Variants in ACSL6 observed in about 807,000 individuals in gnomAD.
ACSL6 encodes long-chain-fatty-acid--CoA ligase 6.
A neutral mutation model predicts 98.2 loss-of-function variants in ACSL6; 47 were observed. That is an observed-to-expected ratio of 0.48 (90% CI 0.38 to 0.61). The LOEUF is 0.61. Ranked by LOEUF, ACSL6 falls within the 20% of genes least tolerant of loss-of-function variation. The probability of loss-of-function intolerance (pLI) is 0.00; values close to 1 mark genes in which losing one functional copy is unlikely to be tolerated. For synonymous variants in ACSL6, 362 were observed against 336.9 expected (o/e 1.07, Z -0.82); for missense variants, 761 against 913.4 (o/e 0.83, Z 2.15).
rs1755722841 is a variant in ACSL6 at position 132,011,439 on chromosome 5, C to G, written c.49+66G>C. ...GGCCGCGGAGATGTAACACCTCCAC[C>G]TCGGGCGAAGACCTCATAGCCTGCG... On this transcript the variant is annotated intron_variant, in intron 1 of 20. Transcript: ENST00000651883. This position sits in a 1 kb window ranked among gnomAD's most constrained non-coding sequence, Gnocchi z 5.4. 1.3e-6 allele frequency: 2 copies of G among 1,555,028 alleles called. No individual in the cohort carries two copies. The highest frequency in any genetic ancestry group is 1.8e-6 in the Non-Finnish European group (2 of 1,129,628).
At chr5:131,999,480 A>G (rs1460187479) in intron 1 of ACSL6, 1 of 152,058 alleles carries the variant, frequency 6.6e-6, no homozygotes, top group Non-Finnish European at 1.5e-5. Context: ...GCCTCCCTTT[A>G]TAGGGCCTGT....
At chr5:131,990,560 C>A (rs1305702222) in intron 3 of ACSL6, among the ~76,000 whole-genome samples, 2 of 152,144 alleles carry the variant, frequency 1.3e-5, no homozygotes, top group Non-Finnish European at 2.9e-5. Flanking sequence ...CAGAACCATG[C>A]CAGCCAGTGG....
rs1752594814 is a variant in ACSL6 at position 131,959,642 on chromosome 5, A to G, written c.1960-35T>C. On this transcript the variant is annotated intron_variant, in intron 19 of 20. Transcript: ENST00000651883. ...ACCATATGAGAAAAATTACAAGACA[A>G]GAACACATTTCAAAATGGAGGTAGA... 2.5e-6 allele frequency: 4 copies of G among 1,595,892 alleles called. No homozygotes were observed. In the East Asian group the frequency reaches 8.9e-5, roughly 36 times the overall value.
Position 131,973,141 on chromosome 5 carries a change from G to A in ACSL6, c.1203+125C>T, listed in dbSNP as rs1390251484. 3.9e-6 allele frequency: 5 copies of A among 1,288,868 alleles called. No individual in the cohort carries two copies. In the South Asian group the frequency reaches 7.4e-5, roughly 19 times the overall value. 79.8% of individuals were successfully genotyped at this position (1,288,868 alleles called of 1,614,324 possible). On this transcript the variant is annotated intron_variant, in intron 12 of 20. Transcript: ENST00000651883. ...AATGAGAAAGAGTCAGGAACTACAA[G>A]AGAGGAGGCAAGTTCCAGGACTTGG...
chr5:131,959,875 G>T (rs573162745), intron 19 of ACSL6: 37 of 480,854 alleles, frequency 7.7e-5, no homozygotes, highest in African/African-American at 6.6e-4. Context: ...TGGTCAGCCT[G>T]GTGAGTCTTG....
At position 131,989,291 on chromosome 5, in the gene ACSL6, G is replaced by A; in HGVS notation, c.552+116C>T. On this transcript the variant is annotated intron_variant, in intron 5 of 20. Transcript: ENST00000651883. ...GAAGAGGAGTGGTGGCATAGCCCAAGGGTCTCTGTTTTTTCTTTTGTCCTG... is the reference window on the plus strand; with the variant it reads ...GAAGAGGAGTGGTGGCATAGCCCAAAGGTCTCTGTTTTTTCTTTTGTCCTG... The A allele has an allele frequency of 5.0e-6, 5 of 1,009,232 alleles. No individual in the cohort carries two copies. In the South Asian group the frequency reaches 7.8e-5, roughly 16 times the overall value. 62.5% of individuals were successfully genotyped at this position (1,009,232 alleles called of 1,614,324 possible).
At chr5:131,985,506 G>T (rs957067351) in intron 8 of ACSL6, 48 bp from the exon 9 acceptor site, 1 of 1,606,582 alleles carries the variant, frequency 6.2e-7, no homozygotes, top group Non-Finnish European at 8.5e-7. Flanking sequence ...AGTGTGGCCA[G>T]CCAGGGCCCA....
At chr5:132,008,277 G>A (rs1755520394) in intron 1 of ACSL6, among the ~76,000 whole-genome samples, 1 of 152,232 alleles carries the variant, frequency 6.6e-6, no homozygotes, top group Admixed American at 6.5e-5. Flanking sequence ...GGAGCCCAGA[G>A]TGGGGTAAGG....
Position 131,966,529 on chromosome 5 carries a change from A to C in ACSL6, c.1600T>G (p.Cys534Gly). 1 of 1,613,874 alleles carries C rather than the reference A, an allele frequency of 6.2e-7. No homozygotes were observed. The highest frequency in any genetic ancestry group is 8.5e-7 in the Non-Finnish European group (1 of 1,179,808). Residue 534 changes from cysteine (C) to glycine (G), a missense_variant, in exon 17 of 21, where the codon TGT (cysteine) becomes GGT (glycine). Cys to Gly is a radical substitution (Grantham distance 159). Coordinates refer to ENST00000651883, the MANE Select transcript of ACSL6 (RefSeq NM_001009185.3). ...YWACKGEGEI[C>G]VRGPNVFKGY... ...TTGAACACATTTGGTCCTCTCACAC[A>C]TATCTATGGGACAAAAACCATGGCT...
rs768486751 is a variant in ACSL6, at chr5:131,971,591, G to A, written c.1393C>T (p.Pro465Ser). The A allele has an allele frequency of 3.2e-5, 52 of 1,612,018 alleles. No individual in the cohort carries two copies. Among genetic ancestry groups the A allele is most frequent in the African/African-American group, 5.3e-5 (4 of 74,874 alleles). ...MIVTGAAPASPTVLGFLRAAL... is the reference protein window; with the variant it reads ...MIVTGAAPASSTVLGFLRAAL... Reference sequence around the variant, plus strand: ...GCCCGGAGAAATCCCAGAACTGTTGGTGATGCTGGGGCTGCTCCAGTAACA... The same window carrying A: ...GCCCGGAGAAATCCCAGAACTGTTGATGATGCTGGGGCTGCTCCAGTAACA... The change falls in exon 14 of 21, where the codon CCA (proline) becomes TCA (serine). Residue 465 changes from proline to serine, a missense_variant. By Grantham distance (74) the Pro-to-Ser change is moderately conservative. Transcript: ENST00000651883.
intron 9 of ACSL6, among the ~76,000 whole-genome samples, chr5:131,977,530 T>C (rs973463580): frequency 2.0e-5 from 3 of 152,314 alleles, no homozygotes; most frequent in Non-Finnish European, 2.9e-5. Flanking sequence ...AAGCCATTGT[T>C]CCTCTCTGTT....
chr5:131,975,129 A>G (rs1226285153), intron 10 of ACSL6, 159 bp from the exon 11 acceptor site: 5 of 1,417,658 alleles, frequency 3.5e-6, no homozygotes, highest in Non-Finnish European at 4.6e-6. Flanking sequence ...GTGAGATGAA[A>G]GAGAGAAGAA....
rs1419742238 is a variant in ACSL6, at chr5:131,988,113, C to T, written c.766G>A (p.Glu256Lys). The T allele has an allele frequency of 2.5e-6, 4 of 1,614,186 alleles. No homozygotes were observed. The highest frequency in any genetic ancestry group is 2.5e-6 in the Non-Finnish European group (3 of 1,180,034). ...LKLIILMDPF[E>K]EALKERGQKC... ...TGCCCTCTCTCTTTCAGGGCTTCTT[C>T]GAATGGGTCCATGAGGATGATCAGC... The change falls in exon 7 of 21, where the codon GAA becomes AAA. Residue 256 changes from glutamate (E) to lysine (K), a missense_variant. By Grantham distance (56) the Glu-to-Lys change is moderately conservative. Transcript: ENST00000651883.
intron 20 of ACSL6, 80 bp downstream of exon 20, chr5:131,959,456 A>T: frequency 6.9e-7 from 1 of 1,452,722 alleles, no homozygotes; most frequent in Non-Finnish European, 9.7e-7. Flanking sequence ...TCAGGAATCT[A>T]GGTCAGGGTC....
Position 131,959,582 on chromosome 5 carries a change from T to A in ACSL6, c.1985A>T (p.Asp662Val). The A allele has an allele frequency of 1.2e-6, 2 of 1,614,228 alleles. No homozygotes were observed. The highest frequency in any genetic ancestry group is 1.1e-5 in the South Asian group (1 of 91,086). The change falls in exon 20 of 21, where the codon GAT becomes GTT. Residue 662 changes from aspartate (D) to valine (V), a missense_variant. Physicochemically the swap from Asp to Val is radical, Grantham distance 152 (BLOSUM62 -3). Coordinates refer to ENST00000651883, the MANE Select transcript of ACSL6 (RefSeq NM_001009185.3). ...NKDLKKAILEDMVRLGKESGL... is the reference protein window; with the variant it reads ...NKDLKKAILEVMVRLGKESGL... ...ACTTTCTTTTCCTAACCTCACCATA[T>A]CTTCCAAAATGGCTTTCTTCAGATC...
chr5:131,986,815 C>T lies in ACSL6; in HGVS notation c.864+7G>A, dbSNP rs183482426. ...CTCAATAAAGACCTGCAGGTGAATT[C>T]GCTTACCACAGGAGCCTGGTGATTC... On this transcript the variant is annotated splice_region_variant and intron_variant, in intron 8 of 20. Coordinates refer to ENST00000651883, the MANE Select transcript of ACSL6 (RefSeq NM_001009185.3). 3.3e-5 allele frequency: 53 copies of T among 1,614,150 alleles called. No homozygotes were observed. The African/African-American group carries it at 5.5e-4, about 17-fold the overall frequency.
intron 11 of ACSL6, chr5:131,974,039 C>T (rs1174514154): frequency 6.6e-6 from 1 of 152,540 alleles, no homozygotes; most frequent in African/African-American, 2.4e-5. Context: ...ATGACTTGCC[C>T]AGGGTCACAA....
chr5:131,971,477 T>C, intron 14 of ACSL6, 73 bp downstream of exon 14: 9 of 1,248,594 alleles, frequency 7.2e-6, no homozygotes, highest in Non-Finnish European at 9.7e-6. Context: ...CTCTGAGCAG[T>C]AGAGGGTATA....
chr5:131,971,640 A>G lies in ACSL6; in HGVS notation c.1344T>C (p.Ser448=), dbSNP rs1268215122. The G allele has an allele frequency of 3.1e-6, 5 of 1,603,676 alleles. No homozygotes were observed. The highest frequency in any genetic ancestry group is 4.3e-6 in the Non-Finnish European group (5 of 1,174,272). Residue 448 remains serine, a synonymous_variant, in exon 14 of 21, where the codon AGT becomes AGC. Coordinates refer to ENST00000651883, the MANE Select transcript of ACSL6 (RefSeq NM_001009185.3). ...DELFFNKIQA[S]LGGCVRMIVT... is the part of the protein sequence containing the mutation. ...CAATCATCCGCACACACCCACCAAGACTGGCCTGTGGGAAGAAAGAAGAGC... is the reference window on the plus strand; with the variant it reads ...CAATCATCCGCACACACCCACCAAGGCTGGCCTGTGGGAAGAAAGAAGAGC...
Sources: allele counts gnomAD v4.1 joint callset (sites outside exome capture counted in the v4.1 genomes callset), GRCh38; gene constraint gnomAD v4.1.1; non-coding constraint Gnocchi (gnomAD v3.1); transcripts MANE v1.5; gene names NCBI Gene and HGNC (gene_info 2026-07-23, HGNC 2026-07-21).